Variants in KCNMB2 observed in about 807,000 individuals in gnomAD.
KCNMB2 encodes the protein calcium-activated potassium channel subunit beta-2.
A neutral mutation model predicts 24.5 loss-of-function variants in KCNMB2; 9 were observed. The ratio of observed to expected loss-of-function variants is 0.37; its 90% CI spans 0.22 to 0.64. KCNMB2 has a LOEUF of 0.64. Ranked by LOEUF, KCNMB2 falls within the 30% of genes least tolerant of loss-of-function variation. The pLI is 0.63. For synonymous variants in KCNMB2, 109 were observed against 104.4 expected (o/e 1.04, Z -0.27); for missense variants, 226 against 284.3 (o/e 0.79, Z 1.47).
intron 1 of KCNMB2, among the ~76,000 whole-genome samples, chr3:178,566,677 A>T (rs975400993): frequency 6.6e-6 from 1 of 152,250 alleles, no homozygotes; most frequent in Admixed American, 6.5e-5. Flanking sequence ...AACATAAAAA[A>T]AAACTATCCC....
At position 178,703,785 on chromosome 3, in the gene KCNMB2, C is replaced by A. The variant is rs59589777; in HGVS notation, c.-67-103558C>A. Among the ~76,000 whole-genome samples the A allele has an allele frequency of 1.7e-3, 262 of 152,206 alleles. 1 individual carries two copies. Among genetic ancestry groups the A allele is most frequent in the African/African-American group, 6.0e-3 (250 of 41,546 alleles). On this transcript the variant is annotated intron_variant, in intron 1 of 4. Coordinates refer to ENST00000452583, the MANE Select transcript of KCNMB2 (RefSeq NM_181361.3). ...TTATCTTAGCTTTTCCATGTGGAAC[C>A]CAGCTTGCTGTAGACCCAATCTCTT...
At chr3:178,729,841 G>C (rs1348279550) in intron 1 of KCNMB2, among the ~76,000 whole-genome samples, 1 of 152,084 alleles carries the variant, frequency 6.6e-6, no homozygotes, top group Admixed American at 6.6e-5. Context: ...CAATCATCAT[G>C]GGCTAGATTA....
intron 1 of KCNMB2, among the ~76,000 whole-genome samples, chr3:178,736,492 T>A (rs561292236): frequency 6.6e-6 from 1 of 152,286 alleles, no homozygotes; most frequent in African/African-American, 2.4e-5. Flanking sequence ...AAGAGGAATG[T>A]CTAGGACTAA....
chr3:178,643,391 A>G (rs961830880), intron 1 of KCNMB2, among the ~76,000 whole-genome samples: 1 of 152,182 alleles, frequency 6.6e-6, no homozygotes, highest in Admixed American at 6.5e-5. Flanking sequence ...GTATAGCCCT[A>G]TATATACACA....
At chr3:178,825,136 T>C (rs2108467374) in intron 2 of KCNMB2, among the ~76,000 whole-genome samples, 1 of 152,346 alleles carries the variant, frequency 6.6e-6, no homozygotes, top group South Asian at 2.1e-4. Flanking sequence ...GAAAGATTAA[T>C]TTGATATATT....
intron 1 of KCNMB2, among the ~76,000 whole-genome samples, chr3:178,562,234 T>C (rs1173478667): frequency 2.6e-5 from 4 of 152,214 alleles, no homozygotes; most frequent in African/African-American, 9.6e-5. Flanking sequence ...AAAAACAATA[T>C]GTTTTGGTTA....
intron 1 of KCNMB2, among the ~76,000 whole-genome samples, chr3:178,728,517 G>A (rs6808415): frequency 0.49 from 73,910 of 151,940 alleles, 18,461 homozygotes; most frequent in African/African-American, 0.61. Context: ...TATGAATCAC[G>A]TGAGCGCTGT....
intron 1 of KCNMB2, among the ~76,000 whole-genome samples, chr3:178,564,369 A>C (rs1716438587): frequency 6.6e-6 from 1 of 152,118 alleles, no homozygotes; most frequent in Admixed American, 6.5e-5. Flanking sequence ...ACTAGAACAA[A>C]CTCTGACTGA....
intron 1 of KCNMB2, among the ~76,000 whole-genome samples, chr3:178,603,343 C>G (rs1718159546): frequency 6.6e-6 from 1 of 151,958 alleles, no homozygotes; most frequent in Non-Finnish European, 1.5e-5. Flanking sequence ...AGACACAGGT[C>G]AGGGATCTGG....
chr3:178,663,990 C>T (rs1720628963), intron 1 of KCNMB2, among the ~76,000 whole-genome samples: 1 of 152,226 alleles, frequency 6.6e-6, no homozygotes, highest in African/African-American at 2.4e-5. Flanking sequence ...AAAACTAGTC[C>T]TTCTAACCAT....
intron 1 of KCNMB2, among the ~76,000 whole-genome samples, chr3:178,653,556 A>C (rs1720208536): frequency 6.6e-6 from 1 of 152,138 alleles, no homozygotes; most frequent in Admixed American, 6.5e-5. Context: ...TTTGATATGT[A>C]GCTTCTATAG....
At chr3:178,796,518 T>G (rs1487273249) in intron 1 of KCNMB2, among the ~76,000 whole-genome samples, 1 of 152,088 alleles carries the variant, frequency 6.6e-6, no homozygotes, top group African/African-American at 2.4e-5. Context: ...AAATAAGTCT[T>G]TAAATATTCA....
chr3:178,554,494 T>C (rs1417203703), intron 1 of KCNMB2, among the ~76,000 whole-genome samples: 1 of 152,202 alleles, frequency 6.6e-6, no homozygotes, highest in African/African-American at 2.4e-5. Context: ...AATATTTGTT[T>C]CTCTTACCAG....
chr3:178,660,227 T>C (rs1720477124), intron 1 of KCNMB2, among the ~76,000 whole-genome samples: 1 of 152,230 alleles, frequency 6.6e-6, no homozygotes. Flanking sequence ...TTGCAGAGTT[T>C]GCAGAGGATA....
chr3:178,554,964 T>C (rs1429541320), intron 1 of KCNMB2, among the ~76,000 whole-genome samples: 1 of 152,230 alleles, frequency 6.6e-6, no homozygotes, highest in East Asian at 1.9e-4. Context: ...CCTTAGCAGG[T>C]AGCTGATAAG....
Position 178,760,156 on chromosome 3 carries a change from C to CTA in KCNMB2, c.-67-47171_-67-47170dup, listed in dbSNP as rs1224071834. Among the ~76,000 whole-genome samples the CTA allele has an allele frequency of 1.5e-3, 14 of 9,362 alleles. 2 individuals carry two copies. Among genetic ancestry groups the CTA allele is most frequent in the South Asian group, 5.2e-3 (2 of 386 alleles). The allele number at this position is 9,362 out of a possible 152,430, so 6.1% of individuals were successfully genotyped here. A position where few individuals can be genotyped will look rare whatever the true frequency, so the allele number is the denominator to read the frequency against. ...TATATATATATCCAAGAGGATATAT[C>CTA]TATATATATATATATATCCAAGAGG... On this transcript the variant is annotated intron_variant, in intron 1 of 4. Transcript: ENST00000452583.
intron 1 of KCNMB2, among the ~76,000 whole-genome samples, chr3:178,536,988 G>A (rs1324514670): frequency 6.6e-6 from 1 of 152,192 alleles, no homozygotes; most frequent in East Asian, 1.9e-4. Flanking sequence ...TAGAGGTCAC[G>A]AAGGAAACAC....
At chr3:178,724,266 A>G (rs1329042001) in intron 1 of KCNMB2, among the ~76,000 whole-genome samples, 1 of 148,346 alleles carries the variant, frequency 6.7e-6, no homozygotes, top group Non-Finnish European at 1.5e-5. Context: ...AGTGATGCTG[A>G]GCATTTTTTC....
Position 178,842,850 on chromosome 3 carries a change from G to A in KCNMB2, c.621G>A (p.Met207Ile), listed in dbSNP as rs754854434. 2 of 1,613,970 alleles carry A rather than the reference G, an allele frequency of 1.2e-6. No homozygotes were observed. Among genetic ancestry groups the A allele is most frequent in the Non-Finnish European group, 1.7e-6 (2 of 1,179,886 alleles). The change falls in exon 5 of 5, where the codon ATG becomes ATA. Residue 207 changes from methionine to isoleucine, a missense_variant. Transcript: ENST00000452583. Reference protein sequence around the residue: ...FHSLFWPTCMMAGGVAIVAMV... With the variant: ...FHSLFWPTCMIAGGVAIVAMV... ...CACTCTTCTGGCCAACCTGTATGAT[G>A]GCTGGGGGTGTGGCAATTGTTGCCA...
Sources: allele counts gnomAD v4.1 joint callset (sites outside exome capture counted in the v4.1 genomes callset), GRCh38; gene constraint gnomAD v4.1.1; transcripts MANE v1.5; gene names NCBI Gene and HGNC (gene_info 2026-07-23, HGNC 2026-07-21).